Variants in GPC6 observed in about 807,000 individuals in gnomAD.
GPC6 encodes the protein glypican 6.
In GPC6, 14 loss-of-function variants were observed where a neutral mutation model predicts 55.2. That is an observed-to-expected ratio of 0.25 (90% CI 0.17 to 0.40). GPC6 has a LOEUF of 0.40. Among genes scored for constraint, GPC6 ranks in the 10% least tolerant of loss-of-function variants. GPC6 has a pLI of 1.00. For missense variants in GPC6, 641 were observed against 708.5 expected (o/e 0.90, Z 1.08); for synonymous variants, 278 against 259.6 (o/e 1.07, Z -0.68).
At chr13:94,316,205 A>G (rs1349707125) in intron 6 of GPC6, among the ~76,000 whole-genome samples, 2 of 152,204 alleles carry the variant, frequency 1.3e-5, no homozygotes, top group Non-Finnish European at 2.9e-5. Flanking sequence ...GGAGAAATCT[A>G]AGTTCTTATT....
chr13:94,288,896 C>CAAATATATATATATATATTTGTT (rs1555316149), intron 5 of GPC6, among the ~76,000 whole-genome samples: 60 of 117,804 alleles, frequency 5.1e-4, no homozygotes, highest in African/African-American at 1.8e-3. Flanking sequence ...ATATATATAA[C>CAAATATATATATATATATTTGTT]AAATATATAT....
At chr13:93,297,276 C>G (rs561720919) in intron 1 of GPC6, among the ~76,000 whole-genome samples, 5 of 152,192 alleles carry the variant, frequency 3.3e-5, no homozygotes, top group African/African-American at 4.8e-5. Flanking sequence ...TAGTGAGACT[C>G]CATCTCTGCA....
At chr13:93,272,492 GTATA>G (rs61556173) in intron 1 of GPC6, among the ~76,000 whole-genome samples, 133 of 137,174 alleles carry the variant, frequency 9.7e-4, no homozygotes, top group African/African-American at 2.6e-3. Flanking sequence ...TTGTCTGTGT[GTATA>G]TATATATATA....
chr13:94,394,877 T>A (rs1880827353), intron 7 of GPC6, among the ~76,000 whole-genome samples: 1 of 152,188 alleles, frequency 6.6e-6, no homozygotes, highest in Admixed American at 6.5e-5. Flanking sequence ...TCTCTTATTG[T>A]TCCTGGATGT....
chr13:94,009,807 G>C (rs1882169967), intron 3 of GPC6, among the ~76,000 whole-genome samples: 1 of 152,150 alleles, frequency 6.6e-6, no homozygotes, highest in Non-Finnish European at 1.5e-5. Flanking sequence ...GTTTAATGAA[G>C]TTTGATATAG....
At chr13:94,395,469 T>C (rs1037631625) in intron 7 of GPC6, among the ~76,000 whole-genome samples, 1 of 152,220 alleles carries the variant, frequency 6.6e-6, no homozygotes, top group African/African-American at 2.4e-5. Context: ...GTTCAAGATA[T>C]GGATGAAGAC....
intron 4 of GPC6, among the ~76,000 whole-genome samples, chr13:94,261,925 A>C (rs986297526): frequency 6.6e-6 from 1 of 152,232 alleles, no homozygotes; most frequent in Admixed American, 6.5e-5. Context: ...TAAATAGGGC[A>C]TAAGAGGTAG....
At chr13:93,475,965 T>G (rs1566376552) in intron 1 of GPC6, among the ~76,000 whole-genome samples, 1 of 152,318 alleles carries the variant, frequency 6.6e-6, no homozygotes, top group South Asian at 2.1e-4. Flanking sequence ...ACTGGGATTT[T>G]TTTTTTTTAT....
At chr13:93,651,920 T>G (rs560459494) in intron 2 of GPC6, among the ~76,000 whole-genome samples, 94 of 152,300 alleles carry the variant, frequency 6.2e-4, no homozygotes, top group African/African-American at 1.9e-3. Context: ...TACATCGGTA[T>G]CCATTAAATG....
chr13:93,604,235 G>A (rs1878143285), intron 2 of GPC6, among the ~76,000 whole-genome samples: 1 of 152,310 alleles, frequency 6.6e-6, no homozygotes, highest in Non-Finnish European at 1.5e-5. Context: ...AATATGAATG[G>A]CCATGGCACA....
At chr13:93,964,259 G>A (rs1395092712) in intron 3 of GPC6, among the ~76,000 whole-genome samples, 1 of 152,150 alleles carries the variant, frequency 6.6e-6, no homozygotes, top group Non-Finnish European at 1.5e-5. Context: ...TAACTCCTAT[G>A]ACAATTCAGT....
chr13:93,381,360 C>T (rs1875161781), intron 1 of GPC6, among the ~76,000 whole-genome samples: 1 of 151,914 alleles, frequency 6.6e-6, no homozygotes, highest in Admixed American at 6.6e-5. Context: ...ATGATGCTAT[C>T]GACTTGAGAT....
At chr13:94,153,884 A>G (rs1332049860) in intron 4 of GPC6, among the ~76,000 whole-genome samples, 1 of 152,204 alleles carries the variant, frequency 6.6e-6, no homozygotes, top group Non-Finnish European at 1.5e-5. Context: ...TAGGTTCTAC[A>G]TCTCTGAGTT....
chr13:94,262,852 C>G (rs557900416), intron 4 of GPC6, among the ~76,000 whole-genome samples: 59 of 152,154 alleles, frequency 3.9e-4, no homozygotes, highest in African/African-American at 1.4e-3. Flanking sequence ...CTTGAATTAT[C>G]AAATTCTGTT....
intron 1 of GPC6, among the ~76,000 whole-genome samples, chr13:93,508,602 T>G (rs1220064330): frequency 6.6e-6 from 1 of 152,248 alleles, no homozygotes; most frequent in African/African-American, 2.4e-5. Context: ...ACAAAAGGTT[T>G]ACTCAGGCTA....
chr13:93,453,363 T>C (rs1341655925), intron 1 of GPC6, among the ~76,000 whole-genome samples: 9 of 152,080 alleles, frequency 5.9e-5, no homozygotes, highest in Non-Finnish European at 1.0e-4. Flanking sequence ...AATTAGAACA[T>C]TGAGTGAGAT....
intron 2 of GPC6, among the ~76,000 whole-genome samples, chr13:93,811,643 A>G (rs1462644329): frequency 6.6e-6 from 1 of 151,704 alleles, no homozygotes; most frequent in East Asian, 1.9e-4. Flanking sequence ...AAGCGTATTC[A>G]TGGGGATTGA....
intron 1 of GPC6, among the ~76,000 whole-genome samples, chr13:93,413,624 A>C (rs1236777597): frequency 1.3e-5 from 2 of 151,138 alleles, no homozygotes; most frequent in Non-Finnish European, 2.9e-5. Context: ...GCTATTATTC[A>C]GTAATGCAAT....
At chr13:94,357,284 T>C (rs929037266) in intron 6 of GPC6, among the ~76,000 whole-genome samples, 1 of 152,176 alleles carries the variant, frequency 6.6e-6, no homozygotes, top group East Asian at 1.9e-4. Context: ...TTGGTCCACA[T>C]GAGCCTTTCA....
Sources: gnomAD v4.1 joint callset for allele counts (sites outside exome capture counted in the v4.1 genomes callset) on GRCh38, gnomAD v4.1.1 for gene constraint, MANE v1.5 for transcripts, NCBI Gene and HGNC (gene_info 2026-07-23, HGNC 2026-07-21) for gene names.